Variants in PRKCE observed in about 807,000 individuals in gnomAD.
PRKCE encodes protein kinase C epsilon type.
In PRKCE, 16 loss-of-function variants were observed where a neutral mutation model predicts 85.4. That is an observed-to-expected ratio of 0.19 (90% CI 0.13 to 0.28). The LOEUF is 0.28. Among genes scored for constraint, PRKCE ranks in the 10% least tolerant of loss-of-function variants. PRKCE has a pLI of 1.00. For synonymous variants in PRKCE, 388 were observed against 371.5 expected, an observed-to-expected ratio of 1.04 and a Z score of -0.51; for missense variants, 573 against 975.2, an observed-to-expected ratio of 0.59 and a Z score of 5.49.
intron 1 of PRKCE, among the ~76,000 whole-genome samples, chr2:45,824,594 C>T (rs1046149967): frequency 1.3e-4 from 20 of 152,260 alleles, no homozygotes; most frequent in Admixed American, 1.3e-3. Flanking sequence ...CCGTCCCTCC[C>T]TCCCTCATTT....
intron 2 of PRKCE, among the ~76,000 whole-genome samples, chr2:45,957,054 T>A (rs188100179): frequency 7.2e-4 from 110 of 152,344 alleles, no homozygotes; most frequent in African/African-American, 2.4e-3. Context: ...ACCAGATGTG[T>A]GATTTGCAAA....
At chr2:45,700,312 G>A (rs796772501) in intron 1 of PRKCE, among the ~76,000 whole-genome samples, 3 of 152,202 alleles carry the variant, frequency 2.0e-5, no homozygotes, top group African/African-American at 4.8e-5. Context: ...AAAACTAAGG[G>A]TGGTGAGGAG....
At chr2:45,741,992 GT>G (rs1261188706) in intron 1 of PRKCE, among the ~76,000 whole-genome samples, 1 of 152,196 alleles carries the variant, frequency 6.6e-6, no homozygotes, top group Non-Finnish European at 1.5e-5. Flanking sequence ...GCAGGCTGTG[GT>G]TAGAGTGTGG....
intron 11 of PRKCE, among the ~76,000 whole-genome samples, chr2:46,126,893 A>G (rs1673918443): frequency 6.6e-6 from 1 of 152,226 alleles, no homozygotes; most frequent in Non-Finnish European, 1.5e-5. Flanking sequence ...CAGACAGCAA[A>G]GACCCACTTC....
intron 11 of PRKCE, among the ~76,000 whole-genome samples, chr2:46,141,428 A>G (rs1398639871): frequency 1.3e-5 from 2 of 152,226 alleles, no homozygotes; most frequent in African/African-American, 4.8e-5. Context: ...TTTCTTATTT[A>G]TATGTAAAGT....
In PRKCE at chr2:46,184,649, C is replaced by A; in HGVS notation, c.2068-86C>A. 1.3e-6 allele frequency: 2 copies of A among 1,506,186 alleles called. No individual in the cohort carries two copies. The highest frequency in any genetic ancestry group is 2.5e-5 in the South Asian group (2 of 78,628). 93.3% of individuals were successfully genotyped at this position (1,506,186 alleles called of 1,614,324 possible). On this transcript the variant is annotated intron_variant, in intron 14 of 14. Transcript: ENST00000306156. This position sits in a 1 kb window ranked among gnomAD's most constrained non-coding sequence, Gnocchi z 5.0. ...GCTAGAGGCCTGCTTTGGTGACAGG[C>A]TGGTCAGTGCGGTGCCCACTCCCCA...
intron 12 of PRKCE, among the ~76,000 whole-genome samples, chr2:46,148,372 AG>A (rs1455409448): frequency 1.3e-5 from 2 of 152,250 alleles, no homozygotes; most frequent in Admixed American, 6.5e-5. Flanking sequence ...ATCTTACAAA[AG>A]ATGCCACCCA....
intron 10 of PRKCE, among the ~76,000 whole-genome samples, chr2:46,066,428 C>G (rs1667631789): frequency 6.6e-6 from 1 of 152,152 alleles, no homozygotes; most frequent in African/African-American, 2.4e-5. Context: ...TTGGCTAAGG[C>G]TGTCTGTTGC....
chr2:45,866,915 T>G (rs1224908139), intron 2 of PRKCE, among the ~76,000 whole-genome samples: 1 of 152,204 alleles, frequency 6.6e-6, no homozygotes, highest in African/African-American at 2.4e-5. Flanking sequence ...TGATTGGAGC[T>G]CTTGGGGTTC....
At chr2:45,922,241 T>G (rs554168394) in intron 2 of PRKCE, among the ~76,000 whole-genome samples, 45 of 152,318 alleles carry the variant, frequency 3.0e-4, no homozygotes, top group South Asian at 1.2e-3. Context: ...CTGAGCTTTG[T>G]AAAATTCCAT....
chr2:45,817,066 A>AGTGTGTGTGTGTGTGT (rs200785601), intron 1 of PRKCE, among the ~76,000 whole-genome samples: 42 of 135,880 alleles, frequency 3.1e-4, no homozygotes, highest in Non-Finnish European at 4.4e-4. Flanking sequence ...CTGTAAGTAG[A>AGTGTGTGTGTGTGTGT]GTGTGTGTGT....
chr2:46,092,125 T>C (rs773340237), intron 11 of PRKCE, among the ~76,000 whole-genome samples: 8 of 152,218 alleles, frequency 5.3e-5, no homozygotes, highest in Non-Finnish European at 8.8e-5. Flanking sequence ...GAAGTTTAGA[T>C]AGTACCTGCC....
At chr2:46,036,140 A>C (rs1233796416) in intron 10 of PRKCE, among the ~76,000 whole-genome samples, 7 of 152,144 alleles carry the variant, frequency 4.6e-5, no homozygotes, top group African/African-American at 1.7e-4. Context: ...CCCGTGCAAA[A>C]GTCCTGTGGC....
At chr2:46,054,445 A>G (rs1287586892) in intron 10 of PRKCE, among the ~76,000 whole-genome samples, 1 of 152,214 alleles carries the variant, frequency 6.6e-6, no homozygotes, top group Non-Finnish European at 1.5e-5. Context: ...ACTATGTCAG[A>G]ATACCCCCTC....
chr2:45,715,690 A>G (rs1680028832), intron 1 of PRKCE, among the ~76,000 whole-genome samples: 1 of 152,208 alleles, frequency 6.6e-6, no homozygotes, highest in African/African-American at 2.4e-5. Flanking sequence ...AGAGGAGATG[A>G]GCAGGTAAAG....
At chr2:46,065,669 C>T (rs907337986) in intron 10 of PRKCE, among the ~76,000 whole-genome samples, 1 of 152,144 alleles carries the variant, frequency 6.6e-6, no homozygotes, top group South Asian at 2.1e-4. Context: ...TCTTCCTAAT[C>T]AAGATCTGAG....
At chr2:46,099,196 T>C (rs1377548870) in intron 11 of PRKCE, among the ~76,000 whole-genome samples, 1 of 152,138 alleles carries the variant, frequency 6.6e-6, no homozygotes, top group Admixed American at 6.5e-5. Context: ...TTCTGCCACT[T>C]ACTCAAAGCC....
chr2:45,661,537 T>TG (rs1239067741), intron 1 of PRKCE, among the ~76,000 whole-genome samples: 3 of 139,284 alleles, frequency 2.2e-5, no homozygotes, highest in East Asian at 2.0e-4. Context: ...TTTGTTTTTT[T>TG]TTTTTTTTTT....
chr2:45,726,043 G>A (rs946032699), intron 1 of PRKCE, among the ~76,000 whole-genome samples: 1 of 152,222 alleles, frequency 6.6e-6, no homozygotes, highest in Non-Finnish European at 1.5e-5. Flanking sequence ...GCCTGGCGAT[G>A]TGACTGGATT....
Sources: allele counts gnomAD v4.1 joint callset (sites outside exome capture counted in the v4.1 genomes callset), GRCh38; gene constraint gnomAD v4.1.1; non-coding constraint Gnocchi (gnomAD v3.1); transcripts MANE v1.5; gene names NCBI Gene and HGNC (gene_info 2026-07-23, HGNC 2026-07-21).